Variants in BIRC6 observed in about 807,000 individuals in gnomAD.
The protein encoded by BIRC6 is baculoviral IAP repeat containing 6.
BIRC6 carries 98 observed loss-of-function variants against 503.3 expected under a neutral mutation model. That is an observed-to-expected ratio of 0.19 (90% CI 0.17 to 0.23). The LOEUF (loss-of-function observed/expected upper bound fraction) is 0.23, where lower values mean the gene tolerates loss of function less well. Ranked by LOEUF, BIRC6 falls within the 10% of genes least tolerant of loss-of-function variation. The probability of loss-of-function intolerance (pLI) is 1.00; values close to 1 mark genes in which losing one functional copy is unlikely to be tolerated. For missense variants in BIRC6, 5,360 were observed against 5,806.0 expected (o/e 0.92, Z 2.50); for synonymous variants, 2,240 against 2,078.7 (o/e 1.08, Z -2.11).
At chr2:32,577,418 T>C (rs1234850751) in intron 66 of BIRC6, among the ~76,000 whole-genome samples, 3 of 152,176 alleles carry the variant, frequency 2.0e-5, no homozygotes, top group Non-Finnish European at 1.5e-5. Flanking sequence ...AAAAATTGCA[T>C]AATGATTTGG....
In BIRC6 at chr2:32,525,638, C is replaced by T. The variant is rs541279512; in HGVS notation, c.11920+10C>T. On this transcript the variant is annotated intron_variant, in intron 59 of 73. Coordinates refer to ENST00000421745, the MANE Select transcript of BIRC6 (RefSeq NM_016252.4). ...CACAAACTCTTGGCAGGTAATATTC[C>T]TCAATGAATAAACGTCAAAGAAATT... The T allele has an allele frequency of 6.2e-7, 1 of 1,604,248 alleles. No homozygotes were observed. The highest frequency in any genetic ancestry group is 1.7e-5 in the Admixed American group (1 of 58,182).
chr2:32,422,264 C>G (rs1203075954), intron 10 of BIRC6, among the ~76,000 whole-genome samples: 1 of 152,150 alleles, frequency 6.6e-6, no homozygotes, highest in Non-Finnish European at 1.5e-5. Flanking sequence ...ATTTGAATGA[C>G]TTTACGCTTA....
chr2:32,429,955 A>T (rs949833461), intron 11 of BIRC6, among the ~76,000 whole-genome samples: 6 of 152,202 alleles, frequency 3.9e-5, no homozygotes, highest in Non-Finnish European at 7.4e-5. Context: ...AAGATTTTTT[A>T]TAAAGTACAG....
Position 32,463,287 on chromosome 2 carries a change from C to G in BIRC6, c.4847C>G (p.Ala1616Gly). ...GCCCTGAGTTCAGCAGCCCAGGTAG[C>G]TTTGCAGTCTCTCTCTCATGCAATG... is the stretch of plus-strand genomic sequence containing the variant. ...STALSSAAQV[A>G]LQSLSHAMAS... Residue 1616 changes from alanine to glycine, a missense_variant, in exon 24 of 74, where the codon GCT (alanine) becomes GGT (glycine). By Grantham distance (60) the Ala-to-Gly change is moderately conservative. This residue lies in a region of BIRC6 where 2,299 missense variants were observed against 2,267.2 expected (regional missense o/e 1.01). Coordinates refer to ENST00000421745, the MANE Select transcript of BIRC6 (RefSeq NM_016252.4). The G allele has an allele frequency of 6.2e-7, 1 of 1,613,868 alleles. No individual in the cohort carries two copies. The highest frequency in any genetic ancestry group is 8.5e-7 in the Non-Finnish European group (1 of 1,179,842).
rs1368080514 is a variant in BIRC6, at chr2:32,415,713, C to G, written c.2422C>G (p.Gln808Glu). ...CCAACATGAATCACCAGCAGATGTA[C>G]AGACTCCTTTAATAATTCAGCCTGA... is the stretch of plus-strand genomic sequence containing the variant. ...VIQHESPADV[Q>E]TPLIIQPEQR... Residue 808 changes from glutamine to glutamate, a missense_variant, in exon 10 of 74, where the codon CAG (glutamine) becomes GAG (glutamate). By Grantham distance (29) the Gln-to-Glu change is conservative. Around this residue, in one of 16 missense-constraint regions of BIRC6, gnomAD observed 700 missense variants for 739.3 expected, o/e 0.95. Coordinates refer to ENST00000421745, the MANE Select transcript of BIRC6 (RefSeq NM_016252.4). 4 of 1,613,722 alleles carry G rather than the reference C, an allele frequency of 2.5e-6. No homozygotes were observed. In the African/African-American group the frequency reaches 5.3e-5, roughly 22 times the overall value.
intron 61 of BIRC6, among the ~76,000 whole-genome samples, chr2:32,534,731 A>C (rs1476421768): frequency 2.5e-5 from 2 of 80,640 alleles, no homozygotes; most frequent in Non-Finnish European, 4.8e-5. Flanking sequence ...ACTCTGTCTC[A>C]AAAAAAAAAA....
intron 34 of BIRC6, 88 bp from the exon 35 acceptor site, chr2:32,477,280 G>A: frequency 7.5e-7 from 1 of 1,333,992 alleles, no homozygotes; most frequent in Non-Finnish European, 1.0e-6. Flanking sequence ...TTGTAATATG[G>A]AGTGGATATT....
chr2:32,443,954 G>A (rs1020302095), intron 20 of BIRC6, among the ~76,000 whole-genome samples: 1 of 152,002 alleles, frequency 6.6e-6, no homozygotes, highest in Non-Finnish European at 1.5e-5. Context: ...AACGGTCCAG[G>A]TGTCATTGCA....
At chr2:32,506,127 G>A (rs190656546) in intron 50 of BIRC6, among the ~76,000 whole-genome samples, 65 of 152,254 alleles carry the variant, frequency 4.3e-4, no homozygotes, top group African/African-American at 1.5e-3. Flanking sequence ...GAGATTACAG[G>A]TGTGACTACT....
intron 1 of BIRC6, among the ~76,000 whole-genome samples, chr2:32,363,539 A>G (rs2034435610): frequency 6.6e-6 from 1 of 152,094 alleles, no homozygotes; most frequent in African/African-American, 2.4e-5. Flanking sequence ...ACTGGGGGTG[A>G]TGATTTCTCT....
chr2:32,415,605 T>C lies in BIRC6; in HGVS notation c.2314T>C (p.Leu772=). Residue 772 remains leucine, a synonymous_variant, in exon 10 of 74, where the codon TTA becomes CTA. Transcript: ENST00000421745. ...AGAGGCCTTGAATAATTTAAATAAA[T>C]TAAACTCTGCACTATGTAATAGACG... ...QVEALNNLNK[L]NSALCNRRKG... 14 of 1,613,826 alleles carry C rather than the reference T, an allele frequency of 8.7e-6. No homozygotes were observed. The highest frequency in any genetic ancestry group is 1.1e-5 in the Non-Finnish European group (13 of 1,179,780).
intron 12 of BIRC6, 106 bp downstream of exon 12, chr2:32,431,196 T>TTTTTTTTTTTTTTTTTG (rs2044075149): frequency 1.7e-6 from 1 of 577,808 alleles, no homozygotes; most frequent in Non-Finnish European, 2.7e-6. Flanking sequence ...TTTTTTTTTT[T>TTTTTTTTTTTTTTTTTG]TTTTTTTTTT....
intron 66 of BIRC6, among the ~76,000 whole-genome samples, chr2:32,589,892 A>G (rs1184735442): frequency 2.0e-5 from 3 of 152,206 alleles, no homozygotes; most frequent in Non-Finnish European, 4.4e-5. Context: ...AAGGCTTCTT[A>G]TAACTATTTT....
chr2:32,443,504 G>T lies in BIRC6; in HGVS notation c.4252G>T (p.Asp1418Tyr). The T allele has an allele frequency of 6.2e-7, 1 of 1,603,876 alleles. No individual in the cohort carries two copies. ...AAAATTTTTCAGTAATGGCAAATGT[G>T]ACCCATGTCAACCAGCATTTGGACC... ...LALCISNGKC[D>Y]PCQPAFGPVL... is the part of the protein sequence containing the mutation. The change falls in exon 20 of 74, where the codon GAC becomes TAC. Residue 1418 changes from aspartate (D) to tyrosine (Y), a missense_variant. Coordinates refer to ENST00000421745, the MANE Select transcript of BIRC6 (RefSeq NM_016252.4).
At position 32,525,027 on chromosome 2, in the gene BIRC6, T is replaced by A. The variant is rs1403169599; in HGVS notation, c.11755+8T>A. On this transcript the variant is annotated splice_region_variant and intron_variant, in intron 58 of 73. Transcript: ENST00000421745. Reference sequence around the variant, plus strand: ...GTGTTGTTGTTGCCTCTGGTATGCTTTCTATTTTTTATAATCTTGATTTTG... The same window carrying A: ...GTGTTGTTGTTGCCTCTGGTATGCTATCTATTTTTTATAATCTTGATTTTG... 9 of 1,500,814 alleles carry A rather than the reference T, an allele frequency of 6.0e-6. No individual in the cohort carries two copies. In the African/African-American group the frequency reaches 1.3e-4, roughly 21 times the overall value. The allele number at this position is 1,500,814 out of a possible 1,614,324, so 93.0% of individuals were successfully genotyped here.
chr2:32,358,024 C>CGTGGGGGTGGGGGTGGG (rs1319935854), intron 1 of BIRC6, among the ~76,000 whole-genome samples: 1 of 13,458 alleles, frequency 7.4e-5, no homozygotes, highest in Non-Finnish European at 1.3e-4. Context: ...GTGCGCCCAG[C>CGTGGGGGTGGGGGTGGG]GTGGGGGTGG....
chr2:32,372,189 T>C (rs565752672), intron 1 of BIRC6, among the ~76,000 whole-genome samples: 13 of 152,200 alleles, frequency 8.5e-5, no homozygotes, highest in Non-Finnish European at 1.5e-5. Context: ...TGTGTACTTG[T>C]CATACAGGTA....
At chr2:32,465,249 ATTTTTTTT>A (rs11353879) in intron 26 of BIRC6, 85 bp downstream of exon 26, 11 of 272,694 alleles carry the variant, frequency 4.0e-5, no homozygotes, top group Admixed American at 1.7e-4. Context: ...CTTCAGTTCG[ATTTTTTTT>A]TTTTTTTTTT....
chr2:32,437,772 C>T (rs1327143033), intron 15 of BIRC6, among the ~76,000 whole-genome samples: 1 of 152,082 alleles, frequency 6.6e-6, no homozygotes, highest in Admixed American at 6.5e-5. Flanking sequence ...GGATACTCAG[C>T]CTGTATATAT....
Sources: allele counts gnomAD v4.1 joint callset (sites outside exome capture counted in the v4.1 genomes callset), GRCh38; gene constraint gnomAD v4.1.1; regional missense constraint gnomAD v4.1.1; transcripts MANE v1.5; gene names NCBI Gene and HGNC (gene_info 2026-07-23, HGNC 2026-07-21).